The following SAXO4 variants were observed in gnomAD, a reference collection of about 807,000 sequenced individuals.
SAXO4 encodes stabilizer of axonemal microtubules 4.
chr11:61,489,404 C>T, the SAXO4 span: 1 of 488,976 alleles, frequency 2.0e-6, no homozygotes, highest in Middle Eastern at 5.3e-4. Flanking sequence ...CCCCTTCTTA[C>T]TTGTCTTTGC....
the SAXO4 span, chr11:61,482,328 C>T: frequency 6.2e-7 from 1 of 1,614,164 alleles, no homozygotes; most frequent in African/African-American, 1.3e-5. Flanking sequence ...GGATTTCAAG[C>T]CCCGTGTGGG....
the SAXO4 span, among the ~76,000 whole-genome samples, chr11:61,482,135 ACT>A: frequency 6.6e-6 from 1 of 151,328 alleles, no homozygotes; most frequent in African/African-American, 2.4e-5. Flanking sequence ...CAGCCCACCC[ACT>A]CCATTTCCTG....
the SAXO4 span, among the ~76,000 whole-genome samples, chr11:61,488,374 G>C: frequency 6.8e-6 from 1 of 146,244 alleles, no homozygotes; most frequent in African/African-American, 2.5e-5. Context: ...GTGCGATCTC[G>C]GCTCACTGCA....
At chr11:61,486,403 T>G in the SAXO4 span, 3 of 1,614,064 alleles carry the variant, frequency 1.9e-6, no homozygotes, top group Admixed American at 1.7e-5. Context: ...CTCACCTACA[T>G]GTAAGCTGAG....
the SAXO4 span, chr11:61,485,462 AC>A: frequency 6.8e-7 from 1 of 1,474,606 alleles, no homozygotes; most frequent in Non-Finnish European, 9.4e-7. Flanking sequence ...CCTACTTGCT[AC>A]CCCAGGGGCC....
the SAXO4 span, chr11:61,489,878 G>A: frequency 2.9e-5 from 47 of 1,613,916 alleles, 1 homozygote; most frequent in Middle Eastern, 8.3e-4. Context: ...TCAGCCAGCC[G>A]GTCAGCTGCA....
At chr11:61,486,918 C>A in the SAXO4 span, 8 of 1,593,552 alleles carry the variant, frequency 5.0e-6, no homozygotes, top group Non-Finnish European at 5.2e-6. Context: ...GCCACCTCAG[C>A]CTCCCTTCTG....
chr11:61,487,248 C>T, the SAXO4 span: 1 of 1,611,664 alleles, frequency 6.2e-7, no homozygotes. Context: ...AGGGTGAGGT[C>T]CGCTTCCTGG....
At chr11:61,482,429 G>T in the SAXO4 span, 1 of 1,612,152 alleles carries the variant, frequency 6.2e-7, no homozygotes, top group Non-Finnish European at 8.5e-7. Context: ...CGGCCAGGGG[G>T]TACGGTCTGT....
At chr11:61,490,467 AC>A in the SAXO4 span, 1 of 1,592,410 alleles carries the variant, frequency 6.3e-7, no homozygotes, top group Non-Finnish European at 8.6e-7. Flanking sequence ...CTGCCTGCCA[AC>A]ACCCCCAACA....
chr11:61,481,871 A>G, the SAXO4 span: 10 of 1,572,218 alleles, frequency 6.4e-6, no homozygotes, highest in Middle Eastern at 3.4e-4. Flanking sequence ...TCGGGGGGCT[A>G]CACGGACCCC....
chr11:61,489,351 T>C, the SAXO4 span: 514 of 328,644 alleles, frequency 1.6e-3, no homozygotes, highest in Non-Finnish European at 2.4e-3. Context: ...GATTCCTGCA[T>C]TGATCTGTCT....
the SAXO4 span, chr11:61,485,324 C>A: frequency 6.2e-7 from 1 of 1,613,422 alleles, no homozygotes; most frequent in Non-Finnish European, 8.5e-7. Flanking sequence ...ACTCCTCCAA[C>A]CTCTCTGTTC....
chr11:61,482,385 T>C, the SAXO4 span: 1 of 1,614,094 alleles, frequency 6.2e-7, no homozygotes, highest in Non-Finnish European at 8.5e-7. Flanking sequence ...GCCCGTGGTC[T>C]CATGCCAAGC....
the SAXO4 span, chr11:61,486,200 C>A: frequency 1.2e-6 from 1 of 832,232 alleles, no homozygotes; most frequent in Non-Finnish European, 1.9e-6. Flanking sequence ...TCCCCAAACA[C>A]TTCCCTTTTC....
the SAXO4 span, among the ~76,000 whole-genome samples, chr11:61,484,084 C>CA: frequency 2.8e-3 from 410 of 147,416 alleles, 2 homozygotes; most frequent in African/African-American, 8.4e-3. Flanking sequence ...CAAAAAAATA[C>CA]AAAAAAAAAA....
the SAXO4 span, among the ~76,000 whole-genome samples, chr11:61,488,061 A>T: frequency 6.1e-5 from 9 of 148,638 alleles, no homozygotes; most frequent in African/African-American, 1.0e-4. Context: ...ATCTCAGCTC[A>T]CCGCAACCTT....
the SAXO4 span, chr11:61,482,833 G>A: frequency 1.9e-6 from 3 of 1,573,944 alleles, no homozygotes; most frequent in Non-Finnish European, 8.6e-7. Flanking sequence ...AGGGCCAGGA[G>A]AGGGAAGCCT....
At chr11:61,489,585 A>G in the SAXO4 span, 1 of 619,406 alleles carries the variant, frequency 1.6e-6, no homozygotes, top group South Asian at 1.9e-5. Flanking sequence ...AGAGTGTTTC[A>G]GCGTCAGGTG....
Sources: gnomAD v4.1 joint callset for allele counts (sites outside exome capture counted in the v4.1 genomes callset) on GRCh38, gnomAD v4.1.1 for gene constraint, MANE v1.5 for transcripts, NCBI Gene and HGNC (gene_info 2026-07-23, HGNC 2026-07-21) for gene names.